The following TNPO2 variants were observed in gnomAD, a reference collection of about 807,000 sequenced individuals.
TNPO2 encodes the protein transportin-2.
In TNPO2, 16 loss-of-function variants were observed where a neutral mutation model predicts 111.1. The observed-to-expected ratio is 0.14, with a 90% CI of 0.10 to 0.22. TNPO2 has a LOEUF of 0.22. Ranked by LOEUF, TNPO2 falls within the 10% of genes least tolerant of loss-of-function variation. The pLI is 1.00. For missense variants in TNPO2, 530 were observed against 1,173.7 expected (o/e 0.45, Z 8.01); for synonymous variants, 481 against 475.8 (o/e 1.01, Z -0.14).
At chr19:12,703,870 A>G (rs770086241) in intron 18 of TNPO2, 69 bp from the exon 19 acceptor site, 21 of 1,359,420 alleles carry the variant, frequency 1.5e-5, no homozygotes, top group Admixed American at 4.4e-5. Context: ...CAGGGGGCAC[A>G]GTCCCTGGTG....
chr19:12,719,069 G>A lies in TNPO2; in HGVS notation c.285C>T (p.Asn95=). Residue 95 remains asparagine, a synonymous_variant, in exon 5 of 26, where the codon AAC becomes AAT. Coordinates refer to ENST00000425528, the MANE Select transcript of TNPO2 (RefSeq NM_001382241.1). The surrounding 1 kb of genome is among the most constrained non-coding windows in gnomAD (Gnocchi z 5.0). ...TGAGCGAGGAGGCATCGCCAATGTT[G>A]TTGAGACACTCCTGTTTGATGAAGT... ...VADFIKQECL[N]NIGDASSLIR... The A allele has an allele frequency of 1.2e-6, 2 of 1,613,876 alleles. No homozygotes were observed. Among genetic ancestry groups the A allele is most frequent in the Non-Finnish European group, 1.7e-6 (2 of 1,179,908 alleles).
In TNPO2 at chr19:12,701,806, T is replaced by C. The variant is rs370850842; in HGVS notation, c.2457A>G (p.Ser819=). The change falls in exon 23 of 26, where the codon TCA becomes TCG. Residue 819 remains serine, a synonymous_variant. Transcript: ENST00000425528. This position sits in a 1 kb window ranked among gnomAD's most constrained non-coding sequence, Gnocchi z 5.0. ...TCATCATGCAGATGCCGCGGAAGGC[T>C]GAGTCCTTCTCCTCGTTGTCCCTGA... The part of the protein sequence containing the change: ...RNIRDNEEKD[S]AFRGICMMIG... 3.7e-6 allele frequency: 6 copies of C among 1,613,700 alleles called. No individual in the cohort carries two copies. In the African/African-American group the frequency reaches 6.7e-5, roughly 18 times the overall value.
In TNPO2 at chr19:12,715,835, C is replaced by T. The variant is rs976472924; in HGVS notation, c.326-96G>A. ...ACACCCCCAGTGCTGCCTTTCTGTTCCCTAGCCCATGTACGCCCTCTACAT... is the reference window on the plus strand; with the variant it reads ...ACACCCCCAGTGCTGCCTTTCTGTTTCCTAGCCCATGTACGCCCTCTACAT... On this transcript the variant is annotated intron_variant, in intron 5 of 25. Coordinates refer to ENST00000425528, the MANE Select transcript of TNPO2 (RefSeq NM_001382241.1). This position sits in a 1 kb window ranked among gnomAD's most constrained non-coding sequence, Gnocchi z 7.1. 4.6e-5 allele frequency: 45 copies of T among 971,278 alleles called. No homozygotes were observed. The highest frequency in any genetic ancestry group is 6.8e-5 in the Non-Finnish European group (44 of 646,406). 60.2% of individuals were successfully genotyped at this position (971,278 alleles called of 1,614,324 possible).
Position 12,702,032 on chromosome 19 carries a change from C to T in TNPO2, c.2411+40G>A. On this transcript the variant is annotated intron_variant, in intron 22 of 25. Coordinates refer to ENST00000425528, the MANE Select transcript of TNPO2 (RefSeq NM_001382241.1). This position sits in a 1 kb window ranked among gnomAD's most constrained non-coding sequence, Gnocchi z 5.5. ...AGGCGAGGGAGGGGGTTGGGCCAGT[C>T]CCGCCCACCACACAGCAGGCTTGAC... The T allele has an allele frequency of 6.3e-7, 1 of 1,597,924 alleles. No homozygotes were observed. The highest frequency in any genetic ancestry group is 8.6e-7 in the Non-Finnish European group (1 of 1,165,980).
In TNPO2 at chr19:12,703,775, GCTCTGCC is replaced by G; in HGVS notation, c.2042_2048del (p.Arg681ProfsTer32). 6.2e-7 allele frequency: 1 copy of G among 1,600,624 alleles called. No homozygotes were observed. Among genetic ancestry groups the G allele is most frequent in the Non-Finnish European group, 8.5e-7 (1 of 1,173,582 alleles). ...TGAGGTCTCCCAGGAGGGCAAAGGA[GCTCTGCC>G]GGACCTCAGGCATCGAGTCCTGGGG... On this transcript the variant is annotated frameshift_variant, in exon 19 of 26. Coordinates refer to ENST00000425528, the MANE Select transcript of TNPO2 (RefSeq NM_001382241.1). LOFTEE classifies it high-confidence loss of function.
rs1469440625 is a variant in TNPO2 at position 12,700,245 on chromosome 19, C to CA, written c.*1018_*1019insT. The CA allele has an allele frequency of 1.7e-4, 25 of 151,372 alleles. No homozygotes were observed. Among genetic ancestry groups the CA allele is most frequent in the African/African-American group, 5.1e-4 (21 of 40,974 alleles). 9.4% of individuals were successfully genotyped at this position (151,372 alleles called of 1,614,324 possible). On this transcript the variant is annotated 3_prime_UTR_variant, in exon 26 of 26. Coordinates refer to ENST00000425528, the MANE Select transcript of TNPO2 (RefSeq NM_001382241.1). ...TCATCATCAATTAAACGCCCCTGCC[C>CA]CAGGCCTTGAGTTAAAACTGGGGCC...
chr19:12,714,470 G>A (rs550561805), intron 10 of TNPO2, among the ~76,000 whole-genome samples: 17 of 151,876 alleles, frequency 1.1e-4, no homozygotes, highest in South Asian at 2.1e-4. Flanking sequence ...CTGCCACCAC[G>A]CCCAGCTATT....
rs780055881 is a variant in TNPO2, at chr19:12,719,954, C to CTT, written c.100-620_100-619dup. 4.2e-5 allele frequency among the ~76,000 whole-genome samples: 6 copies of CTT among 141,480 alleles called. No individual in the cohort carries two copies. Among genetic ancestry groups the CTT allele is most frequent in the African/African-American group, 1.3e-4 (5 of 38,566 alleles). 92.8% of individuals were successfully genotyped at this position (141,480 alleles called of 152,430 possible). On this transcript the variant is annotated intron_variant, in intron 3 of 25. Transcript: ENST00000425528. This position sits in a 1 kb window ranked among gnomAD's most constrained non-coding sequence, Gnocchi z 5.0. ...GATCCCCACTAACAGGCCATGAAGA[C>CTT]TTTTTTTTTTTTTTTAAAAGAGGGA...
Position 12,700,717 on chromosome 19 carries a change from G to A in TNPO2, c.*547C>T, listed in dbSNP as rs1258983432. 7.4e-6 allele frequency: 1 copy of A among 134,980 alleles called. No homozygotes were observed. The highest frequency in any genetic ancestry group is 1.5e-5 in the Non-Finnish European group (1 of 65,142). 8.4% of individuals were successfully genotyped at this position (134,980 alleles called of 1,614,324 possible). ...AACAGCAGAAGCTTCTTAAACTCTA[G>A]ATGCAGGTTACACGGAAGGCCTTAC... On this transcript the variant is annotated 3_prime_UTR_variant, in exon 26 of 26. Coordinates refer to ENST00000425528, the MANE Select transcript of TNPO2 (RefSeq NM_001382241.1).
chr19:12,721,214 G>A lies in TNPO2; in HGVS notation c.-13-224C>T, dbSNP rs745790652. The A allele has an allele frequency of 8.8e-6, 12 of 1,361,354 alleles. No individual in the cohort carries two copies. Among genetic ancestry groups the A allele is most frequent in the Non-Finnish European group, 1.1e-5 (12 of 1,062,060 alleles). The allele number at this position is 1,361,354 out of a possible 1,614,324, so 84.3% of individuals were successfully genotyped here. The stretch of plus-strand genomic sequence containing the variant: ...AGCGCGGGAGGGGGGATGTGGAAAC[G>A]GGCCACAGGCGGCGGCGGCGGGGCC... On this transcript the variant is annotated intron_variant, in intron 2 of 25. Transcript: ENST00000425528. The surrounding 1 kb of genome is among the most constrained non-coding windows in gnomAD (Gnocchi z 4.9).
chr19:12,715,742 G>T lies in TNPO2; in HGVS notation c.326-3C>A. The T allele has an allele frequency of 6.2e-7, 1 of 1,605,032 alleles. No individual in the cohort carries two copies. Among genetic ancestry groups the T allele is most frequent in the South Asian group, 1.1e-5 (1 of 89,798 alleles). ...AGCGATGGTGGTGATGAGAATGCCT[G>T]GGGCGGCCGGGAAAGGACGCTGCCT... On this transcript the variant is annotated splice_polypyrimidine_tract_variant and splice_region_variant and intron_variant, in intron 5 of 25. Coordinates refer to ENST00000425528, the MANE Select transcript of TNPO2 (RefSeq NM_001382241.1). This position sits in a 1 kb window ranked among gnomAD's most constrained non-coding sequence, Gnocchi z 7.1.
In TNPO2 at chr19:12,715,314, T is replaced by C. The variant is rs1351153811; in HGVS notation, c.577A>G (p.Ile193Val). Reference protein sequence around the residue: ...HCSPKIRSHAIACVNQFIMDR... With the variant: ...HCSPKIRSHAVACVNQFIMDR... ...ATGATGAACTGGTTCACGCAGGCGATGGCGTGGGACCTGGCGGGGAGCAGA... is the reference window on the plus strand; with the variant it reads ...ATGATGAACTGGTTCACGCAGGCGACGGCGTGGGACCTGGCGGGGAGCAGA... The change falls in exon 8 of 26, where the codon ATC becomes GTC. Residue 193 changes from isoleucine to valine, a missense_variant. Physicochemically the swap from Ile to Val is conservative, Grantham distance 29. Coordinates refer to ENST00000425528, the MANE Select transcript of TNPO2 (RefSeq NM_001382241.1). The surrounding 1 kb of genome is among the most constrained non-coding windows in gnomAD (Gnocchi z 7.1). The C allele has an allele frequency of 1.2e-6, 2 of 1,613,624 alleles. No individual in the cohort carries two copies. The highest frequency in any genetic ancestry group is 1.6e-4 in the Middle Eastern group (1 of 6,084).
chr19:12,712,780 C>A (rs1292917732), intron 10 of TNPO2, among the ~76,000 whole-genome samples: 1 of 152,140 alleles, frequency 6.6e-6, no homozygotes, highest in African/African-American at 2.4e-5. Flanking sequence ...TACCGGTCTC[C>A]GCGCATTGGT....
In TNPO2 at chr19:12,705,964, G is replaced by A. The variant is rs922621368; in HGVS notation, c.1669-196C>T. 54 of 364,940 alleles carry A rather than the reference G, an allele frequency of 1.5e-4. No homozygotes were observed. Among genetic ancestry groups the A allele is most frequent in the Admixed American group, 3.9e-4 (10 of 25,368 alleles). 22.6% of individuals were successfully genotyped at this position (364,940 alleles called of 1,614,324 possible). A position where few individuals can be genotyped will look rare whatever the true frequency, so the allele number is the denominator to read the frequency against. On this transcript the variant is annotated intron_variant, in intron 15 of 25. Transcript: ENST00000425528. The surrounding 1 kb of genome is among the most constrained non-coding windows in gnomAD (Gnocchi z 7.2). ...CACCGCCCGCCCCACCCCACCCCCC[G>A]GGAGCCTGGGTTACCACCTCCTGGT...
chr19:12,706,613 G>A lies in TNPO2; in HGVS notation c.1453C>T (p.Arg485Cys), dbSNP rs993385925. 7 of 1,613,958 alleles carry A rather than the reference G, an allele frequency of 4.3e-6. No homozygotes were observed. Among genetic ancestry groups the A allele is most frequent in the African/African-American group, 2.7e-5 (2 of 74,920 alleles). ...LKPLMTELLK[R>C]ILDGNKRVQE... Reference sequence around the variant, plus strand: ...ACCCTCTTGTTGCCATCCAGGATGCGTTTGAGCAGCTCTGTCATCAGGGGC... The same window carrying A: ...ACCCTCTTGTTGCCATCCAGGATGCATTTGAGCAGCTCTGTCATCAGGGGC... The change falls in exon 14 of 26, where the codon CGC becomes TGC. Residue 485 changes from arginine to cysteine, a missense_variant. Arg to Cys is a radical substitution (Grantham distance 180, BLOSUM62 -3). Coordinates refer to ENST00000425528, the MANE Select transcript of TNPO2 (RefSeq NM_001382241.1). This position sits in a 1 kb window ranked among gnomAD's most constrained non-coding sequence, Gnocchi z 7.0.
rs1187467789 is a variant in TNPO2 at position 12,710,786 on chromosome 19, G to T, written c.1118-13C>A. 2.5e-6 allele frequency: 4 copies of T among 1,600,820 alleles called. No homozygotes were observed. Among genetic ancestry groups the T allele is most frequent in the African/African-American group, 1.3e-5 (1 of 74,372 alleles). On this transcript the variant is annotated splice_polypyrimidine_tract_variant and intron_variant, in intron 12 of 25. Transcript: ENST00000425528. ...GCTGAGCACTTCCCTGGGGAAGGGG[G>T]AACAATGGGGAGGCTCAGGGCGGCC...
At chr19:12,712,176 A>G (rs1675441206) in intron 10 of TNPO2, among the ~76,000 whole-genome samples, 3 of 152,198 alleles carry the variant, frequency 2.0e-5, no homozygotes, top group Admixed American at 6.5e-5. Flanking sequence ...CAAGAGTGCG[A>G]GCCTTCTGTT....
At chr19:12,714,193 G>C (rs1019488269) in intron 10 of TNPO2, among the ~76,000 whole-genome samples, 2 of 152,266 alleles carry the variant, frequency 1.3e-5, no homozygotes, top group African/African-American at 4.8e-5. Flanking sequence ...CAGAGGGAAG[G>C]TTGTGCCTAA....
Position 12,701,464 on chromosome 19 carries a change from G to A in TNPO2, c.2587-11C>T. ...GAAGCCGTGGAGAATCTGTGGGGAG[G>A]GTGGTGGTGAGGGGTAGGCAGGGGC... On this transcript the variant is annotated splice_polypyrimidine_tract_variant and intron_variant, in intron 24 of 25. Transcript: ENST00000425528. The surrounding 1 kb of genome is among the most constrained non-coding windows in gnomAD (Gnocchi z 5.0). 6.2e-7 allele frequency: 1 copy of A among 1,612,660 alleles called. No homozygotes were observed. Among genetic ancestry groups the A allele is most frequent in the Non-Finnish European group, 8.5e-7 (1 of 1,178,754 alleles).
Sources: allele counts gnomAD v4.1 joint callset (sites outside exome capture counted in the v4.1 genomes callset), GRCh38; gene constraint gnomAD v4.1.1; non-coding constraint Gnocchi (gnomAD v3.1); transcripts MANE v1.5; gene names NCBI Gene and HGNC (gene_info 2026-07-23, HGNC 2026-07-21).